Variants in CDH13 observed in about 807,000 individuals in gnomAD.
CDH13 encodes the protein cadherin 13, also known as cadherin-13.
In CDH13, 24 loss-of-function variants were observed where a neutral mutation model predicts 63.8. That is an observed-to-expected ratio of 0.38 (90% CI 0.27 to 0.53). CDH13 has a LOEUF of 0.53. Ranked by LOEUF, CDH13 falls within the 20% of genes least tolerant of loss-of-function variation. The probability of loss-of-function intolerance (pLI) is 0.85; values close to 1 mark genes in which losing one functional copy is unlikely to be tolerated. For missense variants in CDH13, 1,049 were observed against 903.1 expected (o/e 1.16, Z -2.07); for synonymous variants, 503 against 355.3 (o/e 1.42, Z -4.67).
Position 82,785,990 on chromosome 16 carries a change from G to A in CDH13, c.46-72372G>A, listed in dbSNP as rs1278838655. On this transcript the variant is annotated intron_variant, in intron 1 of 13. Transcript: ENST00000567109. Reference sequence around the variant, plus strand: ...CTGTTGGCTAGGGTTAGACCACACAGGCTAAACTAATTCCGACTGGCAAAT... The same window carrying A: ...CTGTTGGCTAGGGTTAGACCACACAAGCTAAACTAATTCCGACTGGCAAAT... Among the ~76,000 whole-genome samples the A allele has an allele frequency of 6.6e-5, 10 of 152,266 alleles. No individual in the cohort carries two copies. In the East Asian group the frequency reaches 1.5e-3, roughly 24 times the overall value.
At position 83,578,545 on chromosome 16, in the gene CDH13, C is replaced by T. The variant is rs557481672; in HGVS notation, c.961-23909C>T. ...AAAGGGGAGGAGAAGCCTGAGCTGA[C>T]CCTTCAAGGGCAGGTCCAGTTTGGA... On this transcript the variant is annotated intron_variant, in intron 7 of 13. Transcript: ENST00000567109. Among the ~76,000 whole-genome samples, 4 of 152,294 alleles carry T rather than the reference C, an allele frequency of 2.6e-5. No individual in the cohort carries two copies. The South Asian group carries it at 6.2e-4, about 24-fold the overall frequency.
In CDH13 at chr16:82,916,240, C is replaced by T. The variant is rs181326728; in HGVS notation, c.157+57767C>T. Among the ~76,000 whole-genome samples the T allele has an allele frequency of 2.2e-3, 339 of 152,188 alleles. 1 individual carries two copies. The highest frequency in any genetic ancestry group is 7.8e-3 in the African/African-American group (325 of 41,516). ...GGTTAACCCACAGGCTCCCAGGGCC[C>T]AGTGTAGAAGGTGAGAGATTCGTGT... is the stretch of plus-strand genomic sequence containing the variant. On this transcript the variant is annotated intron_variant, in intron 2 of 13. Coordinates refer to ENST00000567109, the MANE Select transcript of CDH13 (RefSeq NM_001257.5).
chr16:83,574,158 A>G (rs1238826543), intron 7 of CDH13, among the ~76,000 whole-genome samples: 5 of 152,186 alleles, frequency 3.3e-5, no homozygotes, highest in Non-Finnish European at 5.9e-5. Context: ...TGCCTGGGTC[A>G]TAGAAGATGC....
At chr16:83,314,414 C>G (rs1288993255) in intron 5 of CDH13, among the ~76,000 whole-genome samples, 1 of 152,084 alleles carries the variant, frequency 6.6e-6, no homozygotes, top group African/African-American at 2.4e-5. Context: ...GTTTTCTAAA[C>G]TAAAATGGCT....
chr16:83,309,508 G>C (rs1834056), intron 5 of CDH13, among the ~76,000 whole-genome samples: 74,997 of 152,002 alleles, frequency 0.49, 18,641 homozygotes, highest in Non-Finnish European at 0.52. Context: ...TCCTGAGGAG[G>C]TGGGATTACA....
chr16:82,923,200 A>C (rs2042209342), intron 2 of CDH13, among the ~76,000 whole-genome samples: 1 of 152,228 alleles, frequency 6.6e-6, no homozygotes, highest in South Asian at 2.1e-4. Flanking sequence ...GAAGCATAAT[A>C]AAAGGAAGTA....
intron 10 of CDH13, among the ~76,000 whole-genome samples, chr16:83,731,479 GTTCATGT>G (rs1911039467): frequency 6.6e-6 from 1 of 152,168 alleles, no homozygotes; most frequent in African/African-American, 2.4e-5. Flanking sequence ...CAAAGTGTCT[GTTCATGT>G]CTTTGACCAT....
chr16:83,057,311 G>C (rs1200949110), intron 3 of CDH13, among the ~76,000 whole-genome samples: 1 of 152,026 alleles, frequency 6.6e-6, no homozygotes, highest in South Asian at 2.1e-4. Context: ...TAATACTTGT[G>C]GTTACCTTTG....
At chr16:83,395,711 T>A (rs1291098417) in intron 6 of CDH13, among the ~76,000 whole-genome samples, 1 of 152,184 alleles carries the variant, frequency 6.6e-6, no homozygotes, top group Non-Finnish European at 1.5e-5. Flanking sequence ...AGATATCACA[T>A]AGTGGTTGAA....
At chr16:83,298,621 C>G (rs573802370) in intron 5 of CDH13, among the ~76,000 whole-genome samples, 1 of 152,180 alleles carries the variant, frequency 6.6e-6, no homozygotes, top group African/African-American at 2.4e-5. Flanking sequence ...TTAGAGGTAA[C>G]AAGTATAGGC....
At chr16:82,949,396 C>T (rs6565088) in intron 2 of CDH13, among the ~76,000 whole-genome samples, 44,222 of 152,008 alleles carry the variant, frequency 0.29, 7,759 homozygotes, top group African/African-American at 0.49. Flanking sequence ...TCCACTCTAA[C>T]GGCTTCCTCT....
intron 13 of CDH13, 35 bp downstream of exon 13, chr16:83,783,507 G>A (rs775582769): frequency 2.0e-6 from 3 of 1,536,400 alleles, no homozygotes; most frequent in South Asian, 2.2e-5. Flanking sequence ...TGCACAAACA[G>A]GAAATTGTAA....
chr16:83,525,246 C>A (rs2074934670), intron 7 of CDH13, among the ~76,000 whole-genome samples: 1 of 152,168 alleles, frequency 6.6e-6, no homozygotes, highest in Non-Finnish European at 1.5e-5. Context: ...AGACAGCTTC[C>A]ATCAGTTTCC....
At chr16:83,252,189 C>G (rs1905650629) in intron 5 of CDH13, among the ~76,000 whole-genome samples, 1 of 147,924 alleles carries the variant, frequency 6.8e-6, no homozygotes, top group South Asian at 2.1e-4. Context: ...CTGGAAGTCT[C>G]CCCACCCCTA....
intron 5 of CDH13, among the ~76,000 whole-genome samples, chr16:83,304,576 G>C (rs116721866): frequency 2.6e-5 from 4 of 152,090 alleles, no homozygotes; most frequent in South Asian, 2.1e-4. Context: ...ATTTGTCCTC[G>C]ATACATATGG....
chr16:83,781,581 T>C (rs1915527000), intron 12 of CDH13, among the ~76,000 whole-genome samples: 1 of 152,220 alleles, frequency 6.6e-6, no homozygotes, highest in African/African-American at 2.4e-5. Flanking sequence ...TGATTCTATT[T>C]GCCTGTTTGT....
chr16:82,808,343 C>G (rs1286515770), intron 1 of CDH13, among the ~76,000 whole-genome samples: 1 of 152,092 alleles, frequency 6.6e-6, no homozygotes, highest in African/African-American at 2.4e-5. Flanking sequence ...CCTTTGATAC[C>G]TCTCTGTCTA....
intron 1 of CDH13, among the ~76,000 whole-genome samples, chr16:82,819,065 A>G (rs2037869416): frequency 6.6e-6 from 1 of 152,198 alleles, no homozygotes; most frequent in Admixed American, 6.5e-5. Context: ...TTTATTCAAT[A>G]CTAAAGAACA....
At chr16:82,962,918 G>C (rs1265948537) in intron 2 of CDH13, among the ~76,000 whole-genome samples, 1 of 152,092 alleles carries the variant, frequency 6.6e-6, no homozygotes, top group African/African-American at 2.4e-5. Context: ...AATTAGATTA[G>C]GGAAATGATA....
Sources: allele counts gnomAD v4.1 joint callset (sites outside exome capture counted in the v4.1 genomes callset), GRCh38; gene constraint gnomAD v4.1.1; transcripts MANE v1.5; gene names NCBI Gene and HGNC (gene_info 2026-07-23, HGNC 2026-07-21).